PCDHA2: variants seen among roughly 807,000 people sequenced by gnomAD.
PCDHA2 encodes protocadherin alpha-2.
Under a neutral mutation model 66.0 loss-of-function variants are expected in PCDHA2, and 58 were observed. That is an observed-to-expected ratio of 0.88 (90% CI 0.71 to 1.09). The LOEUF is 1.09. PCDHA2 is among the 50% of genes least tolerant of loss of function. The pLI, the probability that PCDHA2 is intolerant of heterozygous loss-of-function variation, is 0.00. For missense variants in PCDHA2, 1,267 were observed against 1,242.3 expected, an observed-to-expected ratio of 1.02 and a Z score of -0.30; for synonymous variants, 634 against 554.0, an observed-to-expected ratio of 1.14 and a Z score of -2.03.
intron 1 of PCDHA2, among the ~76,000 whole-genome samples, chr5:140,872,884 T>C (rs1057197501): frequency 2.6e-5 from 4 of 152,238 alleles, no homozygotes; most frequent in Non-Finnish European, 4.4e-5. Flanking sequence ...GTTTCATTCA[T>C]CTCACTTTGT....
chr5:140,862,472 T>C (rs577275887), intron 1 of PCDHA2: 357 of 374,932 alleles, frequency 9.5e-4, no homozygotes, highest in Non-Finnish European at 1.4e-3. Context: ...AGAGCAAATC[T>C]ATCCATTGTT....
chr5:140,956,644 C>G (rs2095298403), intron 1 of PCDHA2, among the ~76,000 whole-genome samples: 1 of 152,096 alleles, frequency 6.6e-6, no homozygotes, highest in Non-Finnish European at 1.5e-5. Flanking sequence ...GTTTTGGTAT[C>G]AGGATGATGC....
At chr5:140,921,165 A>T (rs959305878) in intron 1 of PCDHA2, among the ~76,000 whole-genome samples, 1 of 151,798 alleles carries the variant, frequency 6.6e-6, no homozygotes, top group Non-Finnish European at 1.5e-5. Flanking sequence ...TTTTTTTAAC[A>T]CACATAAAGC....
At chr5:140,995,577 A>G (rs892793952) in intron 3 of PCDHA2, among the ~76,000 whole-genome samples, 7 of 152,242 alleles carry the variant, frequency 4.6e-5, no homozygotes, top group Non-Finnish European at 1.0e-4. Flanking sequence ...AAGATGAGCT[A>G]TGAGCTTTTA....
At chr5:140,908,933 C>T (rs1554193565) in intron 1 of PCDHA2, among the ~76,000 whole-genome samples, 1 of 152,186 alleles carries the variant, frequency 6.6e-6, no homozygotes, top group East Asian at 1.9e-4. Context: ...AATGCAGCAA[C>T]TTATCCTTCA....
rs370299841 is a variant in PCDHA2, at chr5:140,841,414, C to T, written c.2388+44062C>T. 3 of 1,612,904 alleles carry T rather than the reference C, an allele frequency of 1.9e-6. 1 individual carries two copies. In the African/African-American group the frequency reaches 4.0e-5, roughly 22 times the overall value. ...CCTGGAAGGTGGGGAGCGGCCAGCT[C>T]CACTACTCCGTCCCCGAGGAGGCCA... On this transcript the variant is annotated intron_variant, in intron 1 of 3. Transcript: ENST00000526136.
intron 1 of PCDHA2, among the ~76,000 whole-genome samples, chr5:140,953,432 C>T (rs1292809968): frequency 6.6e-6 from 1 of 152,108 alleles, no homozygotes; most frequent in Non-Finnish European, 1.5e-5. Context: ...TGTCCTTAAG[C>T]TGGAGAAACT....
intron 1 of PCDHA2, among the ~76,000 whole-genome samples, chr5:140,838,927 A>G (rs2150156100): frequency 6.6e-6 from 1 of 152,088 alleles, no homozygotes; most frequent in African/African-American, 2.4e-5. Context: ...AAATAAAATA[A>G]AATGAAATAA....
chr5:140,841,892 C>A (rs2150324917), intron 1 of PCDHA2: 1 of 1,613,788 alleles, frequency 6.2e-7, no homozygotes, highest in Non-Finnish European at 8.5e-7. Context: ...TGAGAATAAA[C>A]TGGTTGAGCT....
intron 1 of PCDHA2, chr5:140,969,495 C>A: frequency 7.0e-7 from 1 of 1,437,888 alleles, no homozygotes; most frequent in South Asian, 1.5e-5. Flanking sequence ...TATTTCCTCT[C>A]TAGAAAAATA....
At chr5:140,976,697 T>C (rs2096727777) in intron 1 of PCDHA2, among the ~76,000 whole-genome samples, 1 of 152,224 alleles carries the variant, frequency 6.6e-6, no homozygotes, top group Non-Finnish European at 1.5e-5. Context: ...AGTACAATAA[T>C]GTTGACTTTG....
chr5:140,969,343 G>A (rs2096321775), intron 1 of PCDHA2: 23 of 1,613,728 alleles, frequency 1.4e-5, no homozygotes, highest in Non-Finnish European at 1.9e-5. Flanking sequence ...TGAGACAGTG[G>A]TCAGGGGGTC....
At chr5:140,841,349 G>T in intron 1 of PCDHA2, 1 of 1,612,780 alleles carries the variant, frequency 6.2e-7, no homozygotes, top group Non-Finnish European at 8.5e-7. Flanking sequence ...AGGAGAGCTG[G>T]GATCCTGGCG....
At chr5:140,998,049 ACAT>A (rs782468760) in intron 3 of PCDHA2, among the ~76,000 whole-genome samples, 4 of 152,194 alleles carry the variant, frequency 2.6e-5, no homozygotes, top group Admixed American at 6.5e-5. Flanking sequence ...TAACTCAGTG[ACAT>A]CATCATCAAC....
intron 1 of PCDHA2, 161 bp downstream of exon 1, chr5:140,797,513 G>C: frequency 1.2e-6 from 1 of 863,744 alleles, no homozygotes; most frequent in Non-Finnish European, 1.8e-6. Flanking sequence ...TGCATTTACT[G>C]AACAATTTAT....
chr5:140,919,258 A>G (rs2079053720), intron 1 of PCDHA2, among the ~76,000 whole-genome samples: 1 of 152,178 alleles, frequency 6.6e-6, no homozygotes, highest in African/African-American at 2.4e-5. Flanking sequence ...TTTGTCTGAT[A>G]TTAGTGTAGT....
At chr5:140,914,710 G>T (rs879987412) in intron 1 of PCDHA2, among the ~76,000 whole-genome samples, 22 of 151,256 alleles carry the variant, frequency 1.5e-4, no homozygotes, top group Non-Finnish European at 2.4e-4. Flanking sequence ...TTAATTTCTT[G>T]TTTTTTATTT....
At chr5:140,988,856 C>G (rs1363693153) in intron 3 of PCDHA2, 1 of 152,180 alleles carries the variant, frequency 6.6e-6, no homozygotes, top group African/African-American at 2.4e-5. Context: ...CCTATCCAGT[C>G]TCATGTGCAC....
At position 140,869,859 on chromosome 5, in the gene PCDHA2, G is replaced by A. The variant is rs1368092611; in HGVS notation, c.2388+72507G>A. 4 of 1,610,412 alleles carry A rather than the reference G, an allele frequency of 2.5e-6. No homozygotes were observed. In the East Asian group the frequency reaches 8.9e-5, roughly 36 times the overall value. The stretch of plus-strand genomic sequence containing the variant: ...AATCAGAATATAAGGTGAGCCTTAT[G>A]GAAAATGCTGCTAAAGAAACTCTTG... On this transcript the variant is annotated intron_variant, in intron 1 of 3. Coordinates refer to ENST00000526136, the MANE Select transcript of PCDHA2 (RefSeq NM_018905.3).
Sources: gnomAD v4.1 joint callset for allele counts (sites outside exome capture counted in the v4.1 genomes callset) on GRCh38, gnomAD v4.1.1 for gene constraint, MANE v1.5 for transcripts, NCBI Gene and HGNC (gene_info 2026-07-23, HGNC 2026-07-21) for gene names.